Variants in UIMC1 observed in about 807,000 individuals in gnomAD.
The protein encoded by UIMC1 is ubiquitin interaction motif containing 1, also known as BRCA1-A complex subunit RAP80.
In UIMC1, 42 loss-of-function variants were observed where a neutral mutation model predicts 84.9. That is an observed-to-expected ratio of 0.49 (90% CI 0.39 to 0.64). The LOEUF (loss-of-function observed/expected upper bound fraction) is 0.64. UIMC1 is among the 30% of genes least tolerant of loss of function. The pLI, the probability that UIMC1 is intolerant of heterozygous loss-of-function variation, is 0.00. For missense variants in UIMC1, 825 were observed against 847.6 expected (o/e 0.97, Z 0.33); for synonymous variants, 281 against 293.0 (o/e 0.96, Z 0.42).
intron 1 of UIMC1, among the ~76,000 whole-genome samples, chr5:176,997,557 C>A (rs1773785094): frequency 6.6e-6 from 1 of 151,886 alleles, no homozygotes; most frequent in Non-Finnish European, 1.5e-5. Context: ...TGGTGGCGGG[C>A]CCCTGTAGTC....
At chr5:176,945,407 C>T (rs1315620000) in intron 9 of UIMC1, among the ~76,000 whole-genome samples, 2 of 152,126 alleles carry the variant, frequency 1.3e-5, no homozygotes, top group African/African-American at 2.4e-5. Context: ...GAAACTATTG[C>T]TATGGAATTA....
chr5:176,993,603 AATAATT>A (rs967932244), intron 1 of UIMC1, among the ~76,000 whole-genome samples: 1 of 152,202 alleles, frequency 6.6e-6, no homozygotes, highest in Non-Finnish European at 1.5e-5. Flanking sequence ...CTTAAAGTCT[AATAATT>A]ATAAAGTATC....
intron 10 of UIMC1, among the ~76,000 whole-genome samples, chr5:176,913,267 T>C (rs536048390): frequency 2.8e-4 from 43 of 152,342 alleles, no homozygotes; most frequent in South Asian, 1.4e-3. Flanking sequence ...CTAATCCTTA[T>C]GATGACCCTC....
chr5:176,982,421 G>A (rs772521250), intron 2 of UIMC1, 48 bp downstream of exon 2: 2 of 1,579,922 alleles, frequency 1.3e-6, no homozygotes, highest in Non-Finnish European at 1.7e-6. Context: ...GGGTAAAGAA[G>A]CATAGTTTGA....
Position 177,000,498 on chromosome 5 carries a change from C to CTTT in UIMC1, c.-9+6149_-9+6151dup, listed in dbSNP as rs966855813. ...ATATGCCTGTTTTCCACTTGCATGT[C>CTTT]TTTTTTTTTTTTTTTTTTTGAGATG... On this transcript the variant is annotated intron_variant, in intron 1 of 14. Coordinates refer to ENST00000511320, the MANE Select transcript of UIMC1 (RefSeq NM_001199298.2). Among the ~76,000 whole-genome samples the CTTT allele has an allele frequency of 7.9e-3, 901 of 113,350 alleles. 15 individuals are homozygous for CTTT. Among genetic ancestry groups the CTTT allele is most frequent in the South Asian group, 0.019 (65 of 3,384 alleles). The allele number at this position is 113,350 out of a possible 152,430, so 74.4% of individuals were successfully genotyped here. A position where few individuals can be genotyped will look rare whatever the true frequency, so the allele number is the denominator to read the frequency against.
chr5:176,985,768 CTAATT>C (rs934785648), intron 1 of UIMC1, among the ~76,000 whole-genome samples: 2 of 152,198 alleles, frequency 1.3e-5, no homozygotes, highest in African/African-American at 4.8e-5. Flanking sequence ...GCACACCTGG[CTAATT>C]TAATTTACTT....
At chr5:176,993,945 T>A (rs1225666824) in intron 1 of UIMC1, among the ~76,000 whole-genome samples, 1 of 151,458 alleles carries the variant, frequency 6.6e-6, no homozygotes, top group Non-Finnish European at 1.5e-5. Flanking sequence ...GAAGCAGAGG[T>A]TGCAGTGAGC....
At position 176,908,609 on chromosome 5, in the gene UIMC1, C is replaced by G. The variant is rs755508378; in HGVS notation, c.1762G>C (p.Ala588Pro). ...HVDSCLQLAK[A>P]DQGDGPEGSG... is the part of the protein sequence containing the mutation. ...CCTTCAGGTCCATCTCCTTGGTCAG[C>G]CTTTGCAAGCTGGAGACAGGAGTCC... is the stretch of plus-strand genomic sequence containing the variant. Residue 588 changes from alanine (A) to proline (P), a missense_variant, in exon 12 of 15, where the codon GCT becomes CCT. By Grantham distance (27) the Ala-to-Pro change is conservative. Coordinates refer to ENST00000511320, the MANE Select transcript of UIMC1 (RefSeq NM_001199298.2). 2.5e-6 allele frequency: 4 copies of G among 1,614,170 alleles called. No homozygotes were observed. In the Admixed American group the frequency reaches 6.7e-5, roughly 27 times the overall value.
At chr5:176,981,479 G>C (rs1221509119) in intron 2 of UIMC1, among the ~76,000 whole-genome samples, 2 of 152,052 alleles carry the variant, frequency 1.3e-5, no homozygotes, top group African/African-American at 4.8e-5. Context: ...AAGATGTAAA[G>C]AAATGCTCAA....
chr5:176,999,213 T>C (rs1199318253), intron 1 of UIMC1, among the ~76,000 whole-genome samples: 1 of 152,118 alleles, frequency 6.6e-6, no homozygotes, highest in East Asian at 1.9e-4. Context: ...TCTTGCAGTA[T>C]TTTTAAGTTT....
At position 176,951,477 on chromosome 5, in the gene UIMC1, C is replaced by T. The variant is rs368219003; in HGVS notation, c.1440G>A (p.Lys480=). The T allele has an allele frequency of 1.4e-5, 22 of 1,533,166 alleles. No homozygotes were observed. The Middle Eastern group carries it at 1.4e-3, about 96-fold the overall frequency. 95.0% of individuals were successfully genotyped at this position (1,533,166 alleles called of 1,614,324 possible). ...LDGVRIIMAD[K]EVGNKEDAEK... is the part of the protein sequence containing the mutation. ...AAATATAGAGGAAAATATTCACCTC[C>T]TTATCTGCCATTATTATTCTGACTC... Residue 480 remains lysine, a synonymous_variant, in exon 9 of 15, where the codon AAG becomes AAA. Transcript: ENST00000511320.
At chr5:176,963,400 G>A (rs1041671201) in intron 6 of UIMC1, among the ~76,000 whole-genome samples, 3 of 151,472 alleles carry the variant, frequency 2.0e-5, no homozygotes, top group Non-Finnish European at 4.4e-5. Flanking sequence ...GCATGCCTGT[G>A]ACCCCAGCTA....
intron 1 of UIMC1, among the ~76,000 whole-genome samples, chr5:177,013,841 T>G (rs897610899): frequency 6.6e-6 from 1 of 152,148 alleles, no homozygotes; most frequent in East Asian, 1.9e-4. Context: ...CAGCATCTAA[T>G]TGTGACAACA....
intron 10 of UIMC1, among the ~76,000 whole-genome samples, chr5:176,918,670 GC>G (rs902687736): frequency 8.6e-5 from 13 of 152,020 alleles, no homozygotes; most frequent in Non-Finnish European, 1.8e-4. Context: ...TCACCCTTCA[GC>G]CCCACTAGGA....
At chr5:176,935,578 G>A (rs181667400) in intron 10 of UIMC1, among the ~76,000 whole-genome samples, 1 of 152,176 alleles carries the variant, frequency 6.6e-6, no homozygotes, top group Admixed American at 6.5e-5. Flanking sequence ...CAATATCTCA[G>A]TAGCTACGTA....
intron 10 of UIMC1, among the ~76,000 whole-genome samples, chr5:176,913,038 C>T (rs374984495): frequency 6.6e-6 from 1 of 152,184 alleles, no homozygotes; most frequent in Non-Finnish European, 1.5e-5. Context: ...TTGCAATCTG[C>T]CTCAATCTGC....
Position 176,969,149 on chromosome 5 carries a change from G to A in UIMC1, c.606C>T (p.Asp202=), listed in dbSNP as rs759161130. Residue 202 remains aspartate (D), a synonymous_variant, in exon 6 of 15, where the codon GAC becomes GAT. Coordinates refer to ENST00000511320, the MANE Select transcript of UIMC1 (RefSeq NM_001199298.2). Reference sequence around the variant, plus strand: ...TCTCAAACACTGGCTGGCTTGACTGGTCCCAGCTTCCTGAGCTGCCAGAGA... The same window carrying A: ...TCTCAAACACTGGCTGGCTTGACTGATCCCAGCTTCCTGAGCTGCCAGAGA... The part of the protein sequence containing the change: ...EPVSGSSGSW[D]QSSQPVFENV... The A allele has an allele frequency of 1.9e-6, 3 of 1,614,156 alleles. No homozygotes were observed. The highest frequency in any genetic ancestry group is 2.2e-5 in the East Asian group (1 of 44,878).
intron 8 of UIMC1, among the ~76,000 whole-genome samples, chr5:176,954,747 CA>C (rs79682515): frequency 0.031 from 1,990 of 63,986 alleles, 11 homozygotes; most frequent in South Asian, 0.089. Context: ...AACTCTGTCT[CA>C]AAAAAAAAAA....
chr5:176,936,713 T>C (rs1047276397), intron 10 of UIMC1, among the ~76,000 whole-genome samples: 4 of 152,198 alleles, frequency 2.6e-5, no homozygotes, highest in Non-Finnish European at 5.9e-5. Flanking sequence ...TTGTTCCTTC[T>C]ACCTGTAGCA....
Sources: allele counts gnomAD v4.1 joint callset (sites outside exome capture counted in the v4.1 genomes callset), GRCh38; gene constraint gnomAD v4.1.1; transcripts MANE v1.5; gene names NCBI Gene and HGNC (gene_info 2026-07-23, HGNC 2026-07-21).